The following FXYD6 variants were observed in gnomAD, a reference collection of about 807,000 sequenced individuals.
FXYD6 encodes FXYD domain-containing ion transport regulator 6.
Under a neutral mutation model 16.7 loss-of-function variants are expected in FXYD6, and 7 were observed. That is an observed-to-expected ratio of 0.42 (90% confidence interval 0.24 to 0.79). The LOEUF (loss-of-function observed/expected upper bound fraction) is 0.79. Ranked by LOEUF, FXYD6 falls within the 30% of genes least tolerant of loss-of-function variation. FXYD6 has a pLI of 0.28. For synonymous variants in FXYD6, 49 were observed against 43.0 expected (o/e 1.14, Z -0.54); for missense variants, 111 against 116.2 (o/e 0.95, Z 0.21).
chr11:117,859,365 A>T (rs895764755), intron 1 of FXYD6, among the ~76,000 whole-genome samples: 2 of 152,260 alleles, frequency 1.3e-5, no homozygotes, highest in African/African-American at 4.8e-5. Flanking sequence ...GCCTTGAACC[A>T]GAAGGCTGGA....
At chr11:117,867,378 G>C (rs997580151) in intron 1 of FXYD6, among the ~76,000 whole-genome samples, 2 of 152,156 alleles carry the variant, frequency 1.3e-5, no homozygotes, top group Non-Finnish European at 1.5e-5. Context: ...CAAAGTCCTA[G>C]CCATGCTCGC....
intron 1 of FXYD6, among the ~76,000 whole-genome samples, chr11:117,852,957 A>C (rs1366470022): frequency 6.6e-6 from 1 of 152,134 alleles, no homozygotes; most frequent in Non-Finnish European, 1.5e-5. Context: ...TTAATTTCTA[A>C]AGGTTCTATC....
intron 3 of FXYD6, 51 bp from the exon 4 acceptor site, chr11:117,841,916 T>C: frequency 6.2e-7 from 1 of 1,613,910 alleles, no homozygotes; most frequent in Non-Finnish European, 8.5e-7. Flanking sequence ...AGAGGGTGTC[T>C]GTTCCCCCTA....
chr11:117,855,396 T>C (rs980671279), intron 1 of FXYD6, among the ~76,000 whole-genome samples: 1 of 152,184 alleles, frequency 6.6e-6, no homozygotes, highest in African/African-American at 2.4e-5. Flanking sequence ...CGGTGGTACG[T>C]TGGCACTGCC....
intron 1 of FXYD6, among the ~76,000 whole-genome samples, chr11:117,866,800 C>T (rs2057023027): frequency 6.6e-6 from 1 of 152,228 alleles, no homozygotes; most frequent in South Asian, 2.1e-4. Flanking sequence ...ATCCTGTCCA[C>T]TGGAGCTCAG....
intron 6 of FXYD6, 173 bp downstream of exon 6, chr11:117,840,146 G>A (rs1358362954): frequency 2.6e-6 from 2 of 773,612 alleles, no homozygotes; most frequent in Non-Finnish European, 4.3e-6. Flanking sequence ...ACTAGTAGTA[G>A]CCTGTTTGGT....
In FXYD6 at chr11:117,870,497, C is replaced by T. The variant is rs2057111280; in HGVS notation, c.-6+6095G>A. Among the ~76,000 whole-genome samples the T allele has an allele frequency of 6.6e-6, 1 of 152,226 alleles. No individual in the cohort carries two copies. Among genetic ancestry groups the T allele is most frequent in the South Asian group, 2.1e-4 (1 of 4,834 alleles). On this transcript the variant is annotated intron_variant, in intron 1 of 7. Coordinates refer to ENST00000526014, the MANE Select transcript of FXYD6 (RefSeq NM_022003.4). This position sits in a 1 kb window ranked among gnomAD's most constrained non-coding sequence, Gnocchi z 4.2. ...AGGAACCCAGAAGCCAGGCCCACGCCACCCTGCCCACAGCCAGGCCACAGC... is the reference window on the plus strand; with the variant it reads ...AGGAACCCAGAAGCCAGGCCCACGCTACCCTGCCCACAGCCAGGCCACAGC...
intron 7 of FXYD6, chr11:117,839,155 A>G (rs2056275705): frequency 6.5e-6 from 1 of 152,922 alleles, no homozygotes; most frequent in Non-Finnish European, 1.5e-5. Context: ...GGTTTCACCT[A>G]TAAAATGGGC....
At chr11:117,857,407 T>C (rs1395044052) in intron 1 of FXYD6, among the ~76,000 whole-genome samples, 6 of 97,840 alleles carry the variant, frequency 6.1e-5, no homozygotes, top group Admixed American at 1.4e-4. Flanking sequence ...GGGAAAGAAG[T>C]GGATTTTTTT....
intron 7 of FXYD6, chr11:117,839,540 C>A: frequency 2.0e-6 from 1 of 504,736 alleles, no homozygotes; most frequent in Non-Finnish European, 3.5e-6. Context: ...GGCCAGTGGG[C>A]TGTGTGGAAG....
intron 1 of FXYD6, among the ~76,000 whole-genome samples, chr11:117,846,866 C>T (rs2056482048): frequency 6.6e-6 from 1 of 152,128 alleles, no homozygotes; most frequent in African/African-American, 2.4e-5. Context: ...CTTCATTATT[C>T]TTGGTTTTCT....
At chr11:117,858,214 C>G (rs1768666708) in intron 1 of FXYD6, 1 of 152,392 alleles carries the variant, frequency 6.6e-6, no homozygotes, top group African/African-American at 2.4e-5. Context: ...CACTCACACA[C>G]AGCTGCGTTT....
At chr11:117,875,331 TGTGA>T (rs1328967530) in intron 1 of FXYD6, among the ~76,000 whole-genome samples, 3 of 151,930 alleles carry the variant, frequency 2.0e-5, no homozygotes, top group South Asian at 2.1e-4. Context: ...AAGTGGGTGG[TGTGA>T]GTAAGGGGCC....
Position 117,837,704 on chromosome 11 carries a change from C to A in FXYD6, c.*595G>T, listed in dbSNP as rs1016234827. On this transcript the variant is annotated 3_prime_UTR_variant, in exon 8 of 8. Transcript: ENST00000526014. The surrounding 1 kb of genome is among the most constrained non-coding windows in gnomAD (Gnocchi z 4.4). ...TGCTAAGAGACCTTCAGACTGGGATCAGGTGGGATAAGGAAGCAAGGTTTT... is the reference window on the plus strand; with the variant it reads ...TGCTAAGAGACCTTCAGACTGGGATAAGGTGGGATAAGGAAGCAAGGTTTT... 1.3e-5 allele frequency: 2 copies of A among 159,012 alleles called. No individual in the cohort carries two copies. The highest frequency in any genetic ancestry group is 1.2e-4 in the Admixed American group (2 of 16,822). The allele number at this position is 159,012 out of a possible 1,614,324, so 9.9% of individuals were successfully genotyped here. A position where few individuals can be genotyped will look rare whatever the true frequency, so the allele number is the denominator to read the frequency against.
At chr11:117,842,118 C>G (rs1260617499) in intron 2 of FXYD6, 90 bp from the exon 3 acceptor site, 1 of 1,588,660 alleles carries the variant, frequency 6.3e-7, no homozygotes, top group Non-Finnish European at 8.6e-7. Context: ...TCAGTCTCCA[C>G]AAAGGAATTC....
chr11:117,842,724 G>A lies in FXYD6; in HGVS notation c.53C>T (p.Ala18Val). 6.4e-7 allele frequency: 1 copy of A among 1,567,726 alleles called. No homozygotes were observed. Among genetic ancestry groups the A allele is most frequent in the East Asian group, 2.4e-5 (1 of 42,390 alleles). The change falls in exon 2 of 8, where the codon GCC becomes GTC. Residue 18 changes from alanine (A) to valine (V), a missense_variant. Transcript: ENST00000526014. Reference sequence around the variant, plus strand: ...GGTCCCAGAGGGGTACTTACCACTGGCCAGGACCATGGGGGCCAGCAGGCT... The same window carrying A: ...GGTCCCAGAGGGGTACTTACCACTGACCAGGACCATGGGGGCCAGCAGGCT... ...LCSLLAPMVL[A>V]SAAEKEKEMD...
At chr11:117,846,607 G>T (rs184996877) in intron 1 of FXYD6, among the ~76,000 whole-genome samples, 1 of 152,282 alleles carries the variant, frequency 6.6e-6, no homozygotes, top group Admixed American at 6.5e-5. Flanking sequence ...ACTGTAACCT[G>T]GTTCCAGGGG....
chr11:117,841,112 A>G (rs767918908), intron 5 of FXYD6, 36 bp downstream of exon 5: 14 of 1,613,430 alleles, frequency 8.7e-6, no homozygotes, highest in African/African-American at 4.0e-5. Context: ...CCCACCTAGT[A>G]TCACCCCCCC....
intron 1 of FXYD6, among the ~76,000 whole-genome samples, chr11:117,850,913 A>G (rs1451022282): frequency 6.6e-6 from 1 of 152,164 alleles, no homozygotes; most frequent in Non-Finnish European, 1.5e-5. Context: ...TGTAAAAAAG[A>G]CCAAAAAAAT....
Sources: allele counts gnomAD v4.1 joint callset (sites outside exome capture counted in the v4.1 genomes callset), GRCh38; gene constraint gnomAD v4.1.1; non-coding constraint Gnocchi (gnomAD v3.1); transcripts MANE v1.5; gene names NCBI Gene and HGNC (gene_info 2026-07-23, HGNC 2026-07-21).